PPM1H: variants seen among roughly 807,000 people sequenced by gnomAD.
PPM1H encodes protein phosphatase, Mg2+/Mn2+ dependent 1H, also known as protein phosphatase 1H.
Under a neutral mutation model 54.9 loss-of-function variants are expected in PPM1H, and 27 were observed. That is an observed-to-expected ratio of 0.49 (90% CI 0.36 to 0.68). The LOEUF (loss-of-function observed/expected upper bound fraction) is 0.68. Ranked by LOEUF, PPM1H falls within the 30% of genes least tolerant of loss-of-function variation. The probability of loss-of-function intolerance (pLI) is 0.00; values close to 1 mark genes in which losing one functional copy is unlikely to be tolerated. For synonymous variants in PPM1H, 305 were observed against 270.8 expected (o/e 1.13, Z -1.24); for missense variants, 596 against 667.8 (o/e 0.89, Z 1.19).
At chr12:62,712,552 A>G (rs903893311) in intron 6 of PPM1H, among the ~76,000 whole-genome samples, 14 of 152,258 alleles carry the variant, frequency 9.2e-5, no homozygotes, top group Admixed American at 3.9e-4. Flanking sequence ...TGTGTCCCCA[A>G]AATGCCAGAG....
At chr12:62,789,837 C>T (rs1000421768) in intron 3 of PPM1H, among the ~76,000 whole-genome samples, 3 of 152,370 alleles carry the variant, frequency 2.0e-5, no homozygotes, top group African/African-American at 7.2e-5. Context: ...ACACTGGCAT[C>T]ATCAAGACAG....
chr12:62,901,040 T>C (rs949191830), intron 1 of PPM1H, among the ~76,000 whole-genome samples: 22 of 152,198 alleles, frequency 1.4e-4, no homozygotes, highest in African/African-American at 4.6e-4. Context: ...TCTGGGAACA[T>C]AGAGAACTTG....
At chr12:62,847,054 A>G (rs764067881) in intron 1 of PPM1H, among the ~76,000 whole-genome samples, 1 of 152,118 alleles carries the variant, frequency 6.6e-6, no homozygotes, top group Non-Finnish European at 1.5e-5. Context: ...TGGTTTTTCC[A>G]TGGCCAGAGG....
At chr12:62,930,509 C>A (rs187044238) in intron 1 of PPM1H, among the ~76,000 whole-genome samples, 12 of 152,312 alleles carry the variant, frequency 7.9e-5, no homozygotes, top group African/African-American at 1.9e-4. Flanking sequence ...GCATTCCCTA[C>A]GTCTGTAGTT....
intron 3 of PPM1H, among the ~76,000 whole-genome samples, chr12:62,800,928 C>T (rs910297044): frequency 6.6e-6 from 1 of 152,096 alleles, no homozygotes; most frequent in African/African-American, 2.4e-5. Context: ...AGGCCAACAG[C>T]GAAGGATGAT....
At chr12:62,782,129 T>C (rs183315393) in intron 4 of PPM1H, among the ~76,000 whole-genome samples, 1 of 152,350 alleles carries the variant, frequency 6.6e-6, no homozygotes, top group East Asian at 1.9e-4. Flanking sequence ...AGAGGAAGGC[T>C]ACTAACAGAG....
chr12:62,912,724 A>G (rs953284051), intron 1 of PPM1H, among the ~76,000 whole-genome samples: 1 of 152,230 alleles, frequency 6.6e-6, no homozygotes, highest in Non-Finnish European at 1.5e-5. Context: ...AGAATCCACC[A>G]CAATGTAATT....
chr12:62,840,588 T>C (rs952783732), intron 1 of PPM1H, among the ~76,000 whole-genome samples: 1 of 152,046 alleles, frequency 6.6e-6, no homozygotes. Context: ...CTCAGTGTTA[T>C]GGAATGAAGG....
intron 1 of PPM1H, among the ~76,000 whole-genome samples, chr12:62,868,747 G>T (rs1869872303): frequency 6.6e-6 from 1 of 152,200 alleles, no homozygotes; most frequent in African/African-American, 2.4e-5. Context: ...AAAAAACATG[G>T]CAGCAGCCAC....
intron 8 of PPM1H, among the ~76,000 whole-genome samples, chr12:62,678,195 C>T (rs1034698055): frequency 6.6e-6 from 1 of 152,214 alleles, no homozygotes; most frequent in Non-Finnish European, 1.5e-5. Context: ...CAACCTCCTG[C>T]CTTGGTCTCC....
At chr12:62,892,860 A>G (rs1870847707) in intron 1 of PPM1H, among the ~76,000 whole-genome samples, 1 of 152,192 alleles carries the variant, frequency 6.6e-6, no homozygotes, top group African/African-American at 2.4e-5. Context: ...ATGTAAAAAA[A>G]TCATTTCCAA....
At chr12:62,660,511 A>G (rs979179210) in intron 9 of PPM1H, among the ~76,000 whole-genome samples, 2 of 152,202 alleles carry the variant, frequency 1.3e-5, no homozygotes, top group Non-Finnish European at 2.9e-5. Flanking sequence ...AATGGGACAG[A>G]ATAGAGAACC....
chr12:62,910,760 T>C (rs544998597), intron 1 of PPM1H, among the ~76,000 whole-genome samples: 1 of 152,258 alleles, frequency 6.6e-6, no homozygotes, highest in Non-Finnish European at 1.5e-5. Flanking sequence ...AACTGTTATC[T>C]CCCTCTAGCA....
intron 7 of PPM1H, among the ~76,000 whole-genome samples, chr12:62,692,880 G>A (rs1295268042): frequency 6.6e-6 from 1 of 150,820 alleles, no homozygotes; most frequent in Non-Finnish European, 1.5e-5. Flanking sequence ...AATCACTGCT[G>A]GTCTACACGG....
intron 4 of PPM1H, among the ~76,000 whole-genome samples, chr12:62,757,545 A>C (rs902412133): frequency 7.9e-5 from 12 of 152,324 alleles, no homozygotes; most frequent in African/African-American, 2.9e-4. Flanking sequence ...TGAAGAGATA[A>C]ATTCACTAGA....
intron 2 of PPM1H, among the ~76,000 whole-genome samples, chr12:62,813,615 A>G (rs979233839): frequency 1.3e-5 from 2 of 152,256 alleles, no homozygotes; most frequent in African/African-American, 4.8e-5. Context: ...AACTACAGAT[A>G]GAAAACATGA....
At chr12:62,807,872 C>G (rs891470123) in intron 2 of PPM1H, among the ~76,000 whole-genome samples, 2 of 152,228 alleles carry the variant, frequency 1.3e-5, no homozygotes, top group Admixed American at 1.3e-4. Context: ...AGGTCTTGCT[C>G]TGTCACCCAG....
chr12:62,685,493 C>T (rs1257737050), intron 8 of PPM1H, among the ~76,000 whole-genome samples: 2 of 152,188 alleles, frequency 1.3e-5, no homozygotes, highest in Non-Finnish European at 2.9e-5. Context: ...TACTTATTAA[C>T]TGTATAACTT....
At chr12:62,722,405 C>T (rs1163243562) in intron 5 of PPM1H, among the ~76,000 whole-genome samples, 2 of 152,176 alleles carry the variant, frequency 1.3e-5, no homozygotes, top group African/African-American at 4.8e-5. Context: ...AATGAGAACA[C>T]TACATCCTGG....
Sources: gnomAD v4.1 joint callset for allele counts (sites outside exome capture counted in the v4.1 genomes callset) on GRCh38, gnomAD v4.1.1 for gene constraint, MANE v1.5 for transcripts, NCBI Gene and HGNC (gene_info 2026-07-23, HGNC 2026-07-21) for gene names.